Variants in CHORDC1 observed in about 807,000 individuals in gnomAD.
The protein encoded by CHORDC1 is cysteine and histidine-rich domain-containing protein 1.
Under a neutral mutation model 48.3 loss-of-function variants are expected in CHORDC1, and 25 were observed. The observed-to-expected ratio is 0.52, with a 90% CI of 0.38 to 0.72. The LOEUF is 0.72. Among genes scored for constraint, CHORDC1 ranks in the 30% least tolerant of loss-of-function variants. The pLI is 0.00. For missense variants in CHORDC1, 317 were observed against 388.7 expected, an observed-to-expected ratio of 0.82 and a Z score of 1.55; for synonymous variants, 128 against 126.4, an observed-to-expected ratio of 1.01 and a Z score of -0.09.
At chr11:90,214,357 C>T (rs140874250) in intron 3 of CHORDC1, among the ~76,000 whole-genome samples, 182 bp from the exon 4 acceptor site, 8 of 152,186 alleles carry the variant, frequency 5.3e-5, no homozygotes, top group East Asian at 1.9e-4. Flanking sequence ...CTCTGAATGA[C>T]GGCTTTTTTA....
chr11:90,219,723 C>A lies in CHORDC1; in HGVS notation c.65-1539G>T, dbSNP rs201295833. Reference sequence around the variant, plus strand: ...CCATTGGAGGCTCTCAGCTCTAAGGCTGTGAGACCCCTGATTTCCCACTCC... The same window carrying A: ...CCATTGGAGGCTCTCAGCTCTAAGGATGTGAGACCCCTGATTTCCCACTCC... On this transcript the variant is annotated intron_variant, in intron 1 of 10. Coordinates refer to ENST00000320585, the MANE Select transcript of CHORDC1 (RefSeq NM_012124.3). 1.1e-4 allele frequency among the ~76,000 whole-genome samples: 17 copies of A among 152,328 alleles called. No homozygotes were observed. In the East Asian group the frequency reaches 3.1e-3, roughly 28 times the overall value.
intron 6 of CHORDC1, chr11:90,209,424 G>A (rs964235670): frequency 6.6e-6 from 1 of 151,992 alleles, no homozygotes. Context: ...TGGTAAGTTC[G>A]GAACCATCTG....
chr11:90,216,484 T>C (rs1304703211), intron 2 of CHORDC1: 2 of 387,834 alleles, frequency 5.2e-6, no homozygotes, highest in Non-Finnish European at 1.0e-5. Context: ...AGTATCCCTG[T>C]ATTGATGTAT....
intron 1 of CHORDC1, among the ~76,000 whole-genome samples, chr11:90,221,724 T>C (rs1858176913): frequency 1.3e-5 from 2 of 152,218 alleles, no homozygotes. Context: ...AAAATGTCAG[T>C]GGCGGTAACT....
chr11:90,202,769 CTAAGT>C (rs772355147), intron 10 of CHORDC1, 39 bp downstream of exon 10: 6 of 1,542,306 alleles, frequency 3.9e-6, no homozygotes, highest in Non-Finnish European at 5.3e-6. Flanking sequence ...TACAAATGAT[CTAAGT>C]TATCAGAAAA....
chr11:90,202,537 C>T lies in CHORDC1; in HGVS notation c.867G>A (p.Lys289=), dbSNP rs749291451. 1 of 1,613,350 alleles carries T rather than the reference C, an allele frequency of 6.2e-7. No homozygotes were observed. The highest frequency in any genetic ancestry group is 1.1e-5 in the South Asian group (1 of 91,034). The part of the protein sequence containing the change: ...NVKLWGVIDV[K]RSYVTMTATK... ...TTGCAGTCATAGTTACATAACTTCG[C>T]TTTACATCAATCACCTGTAACATAT... is the stretch of plus-strand genomic sequence containing the variant. The change falls in exon 11 of 11, where the codon AAG becomes AAA. Residue 289 remains lysine (K), a synonymous_variant. Coordinates refer to ENST00000320585, the MANE Select transcript of CHORDC1 (RefSeq NM_012124.3).
chr11:90,206,730 G>A, intron 6 of CHORDC1: 4 of 1,240,522 alleles, frequency 3.2e-6, no homozygotes, highest in Non-Finnish European at 4.2e-6. Context: ...CCTATAAAGG[G>A]TAAAATGAGC....
At chr11:90,222,726 G>A (rs756622427) in intron 1 of CHORDC1, 165 bp downstream of exon 1, 268 of 728,762 alleles carry the variant, frequency 3.7e-4, no homozygotes, top group Admixed American at 6.2e-4. Flanking sequence ...GCAACAGAGG[G>A]GCGGCCGGCG....
At position 90,217,895 on chromosome 11, in the gene CHORDC1, C is replaced by CAAAA. The variant is rs71055891; in HGVS notation, c.114+236_114+239dup. 1.6e-3 allele frequency: 282 copies of CAAAA among 177,176 alleles called. 1 individual carries two copies. The highest frequency in any genetic ancestry group is 2.6e-3 in the South Asian group (18 of 6,832). 11.0% of individuals were successfully genotyped at this position (177,176 alleles called of 1,614,324 possible). Reference sequence around the variant, plus strand: ...TGGGCAACACAGTGAAACTCCATCTCAAAAAAAAAAAAAAAAACCCAGAAT... The same window carrying CAAAA: ...TGGGCAACACAGTGAAACTCCATCTCAAAAAAAAAAAAAAAAAAAAACCCAGAAT... On this transcript the variant is annotated intron_variant, in intron 2 of 10. Coordinates refer to ENST00000320585, the MANE Select transcript of CHORDC1 (RefSeq NM_012124.3).
Position 90,214,161 on chromosome 11 carries a change from A to AC in CHORDC1, c.185dup (p.Arg63Ter). 6.2e-7 allele frequency: 1 copy of AC among 1,610,234 alleles called. No homozygotes were observed. The highest frequency in any genetic ancestry group is 1.1e-5 in the South Asian group (1 of 90,370). ...CAGGTGGCTTCTCACTATTATGTCT[A>AC]CCTTTTGTACAGCCCTGTTAGTGAA... On this transcript the variant is annotated frameshift_variant, in exon 4 of 11. Coordinates refer to ENST00000320585, the MANE Select transcript of CHORDC1 (RefSeq NM_012124.3). LOFTEE classifies it high-confidence loss of function.
At chr11:90,213,412 G>A (rs991309952) in intron 4 of CHORDC1, 18 of 698,500 alleles carry the variant, frequency 2.6e-5, no homozygotes, top group Non-Finnish European at 3.9e-5. Flanking sequence ...AGTGTAGCAC[G>A]AAGAAGACCT....
intron 3 of CHORDC1, 41 bp from the exon 4 acceptor site, chr11:90,214,216 C>T (rs780095849): frequency 6.4e-6 from 9 of 1,397,626 alleles, no homozygotes; most frequent in Non-Finnish European, 8.7e-6. Flanking sequence ...ATCTATTTTA[C>T]ATTTCATGAT....
Position 90,201,651 on chromosome 11 carries a change from A to G in CHORDC1, c.*754T>C, listed in dbSNP as rs1462028603. 2.0e-5 allele frequency: 3 copies of G among 152,436 alleles called. No individual in the cohort carries two copies. The highest frequency in any genetic ancestry group is 2.9e-5 in the Non-Finnish European group (2 of 67,874). The allele number at this position is 152,436 out of a possible 1,614,324, so 9.4% of individuals were successfully genotyped here. The stretch of plus-strand genomic sequence containing the variant: ...GGGCTTAGTCTCTAAATCAGTAACA[A>G]TTAGTCATAACACCATACAAACACA... On this transcript the variant is annotated 3_prime_UTR_variant, in exon 11 of 11. Transcript: ENST00000320585.
At chr11:90,206,755 T>C (rs1411698122) in intron 6 of CHORDC1, 1 of 1,284,322 alleles carries the variant, frequency 7.8e-7, no homozygotes, top group African/African-American at 1.5e-5. Context: ...GACCTATATA[T>C]ATATCCAGGG....
At chr11:90,215,959 G>A (rs1046174384) in intron 2 of CHORDC1, among the ~76,000 whole-genome samples, 8 of 151,948 alleles carry the variant, frequency 5.3e-5, no homozygotes, top group Non-Finnish European at 1.0e-4. Flanking sequence ...CCTGGACCTC[G>A]CTGATTTTCA....
chr11:90,214,729 T>C (rs1057359536), intron 3 of CHORDC1, among the ~76,000 whole-genome samples: 9 of 152,126 alleles, frequency 5.9e-5, no homozygotes, highest in African/African-American at 2.2e-4. Flanking sequence ...GAATTATACA[T>C]ACTCTTTAAC....
intron 1 of CHORDC1, among the ~76,000 whole-genome samples, chr11:90,220,098 C>G (rs1858128956): frequency 6.6e-6 from 1 of 152,178 alleles, no homozygotes; most frequent in Non-Finnish European, 1.5e-5. Flanking sequence ...TCATATGTGA[C>G]CCAATTATTC....
At position 90,203,432 on chromosome 11, in the gene CHORDC1, A is replaced by G; in HGVS notation, c.670-5T>C. 6.5e-7 allele frequency: 1 copy of G among 1,538,352 alleles called. No homozygotes were observed. The highest frequency in any genetic ancestry group is 8.9e-7 in the Non-Finnish European group (1 of 1,127,342). On this transcript the variant is annotated splice_polypyrimidine_tract_variant and splice_region_variant and intron_variant, in intron 8 of 10. Transcript: ENST00000320585. ...ACATGGAACAACTTTTTTCCCCTGT[A>G]ATGTAAGAGAAACTCTGTAAGTTAA...
intron 2 of CHORDC1, among the ~76,000 whole-genome samples, chr11:90,215,492 TTC>T (rs1486022239): frequency 6.6e-6 from 1 of 151,992 alleles, no homozygotes; most frequent in Non-Finnish European, 1.5e-5. Flanking sequence ...CAAAAACTGT[TTC>T]TCTTTTCAAC....
Sources: gnomAD v4.1 joint callset for allele counts (sites outside exome capture counted in the v4.1 genomes callset) on GRCh38, gnomAD v4.1.1 for gene constraint, MANE v1.5 for transcripts, NCBI Gene and HGNC (gene_info 2026-07-23, HGNC 2026-07-21) for gene names.